The following WWOX variants were observed in gnomAD, a reference collection of about 807,000 sequenced individuals.
WWOX encodes WW domain containing oxidoreductase.
Under a neutral mutation model 46.2 loss-of-function variants are expected in WWOX, and 69 were observed. The observed-to-expected ratio is 1.49, with a 90% CI of 1.23 to 1.82. The LOEUF is 1.82. Ranked by LOEUF, WWOX falls within the 40% of genes most tolerant of loss-of-function variation. WWOX has a pLI of 0.00. For synonymous variants in WWOX, 359 were observed against 202.6 expected, an observed-to-expected ratio of 1.77 and a Z score of -6.56; for missense variants, 919 against 542.6, an observed-to-expected ratio of 1.69 and a Z score of -6.89.
At chr16:79,056,658 C>A (rs117310554) in intron 8 of WWOX, among the ~76,000 whole-genome samples, 2 of 152,180 alleles carry the variant, frequency 1.3e-5, no homozygotes, top group African/African-American at 2.4e-5. Context: ...GTCACAAACA[C>A]AAATGTCTCC....
rs181603891 is a variant in WWOX, at chr16:78,635,696, C to T, written c.1056+202944C>T. Among the ~76,000 whole-genome samples the T allele has an allele frequency of 2.7e-4, 41 of 152,252 alleles. 1 individual carries two copies. In the East Asian group the frequency reaches 7.0e-3, roughly 26 times the overall value. On this transcript the variant is annotated intron_variant, in intron 8 of 8. Transcript: ENST00000566780. ...AAGACGGTGAGTACTCACTACTTAG[C>T]GCTGTCAACATCATCTCCGTCCACA... is the stretch of plus-strand genomic sequence containing the variant.
At chr16:78,399,391 C>T (rs2082360809) in intron 6 of WWOX, among the ~76,000 whole-genome samples, 1 of 152,132 alleles carries the variant, frequency 6.6e-6, no homozygotes. Flanking sequence ...TTATTTTAGG[C>T]ACATAACCCA....
At chr16:78,953,107 C>T (rs1157250205) in intron 8 of WWOX, among the ~76,000 whole-genome samples, 1 of 151,576 alleles carries the variant, frequency 6.6e-6, no homozygotes, top group Non-Finnish European at 1.5e-5. Context: ...CTGTTAAATT[C>T]AATCATCAGT....
intron 8 of WWOX, among the ~76,000 whole-genome samples, chr16:78,715,667 G>A (rs1286654951): frequency 6.6e-6 from 1 of 152,110 alleles, no homozygotes; most frequent in Non-Finnish European, 1.5e-5. Flanking sequence ...AATAGAGACA[G>A]GATTTCACTA....
intron 8 of WWOX, among the ~76,000 whole-genome samples, chr16:78,544,381 C>A (rs12930620): frequency 0.49 from 73,860 of 151,976 alleles, 20,827 homozygotes; most frequent in Admixed American, 0.64. Flanking sequence ...ATTTAATCTT[C>A]CCTACAACCT....
chr16:78,284,146 T>C (rs2079730360), intron 5 of WWOX, among the ~76,000 whole-genome samples: 1 of 152,148 alleles, frequency 6.6e-6, no homozygotes, highest in Non-Finnish European at 1.5e-5. Flanking sequence ...GGTGGTGTAC[T>C]TTGTAGGGTC....
At chr16:78,388,831 G>C (rs1402366139) in intron 6 of WWOX, among the ~76,000 whole-genome samples, 3 of 151,026 alleles carry the variant, frequency 2.0e-5, no homozygotes, top group Non-Finnish European at 4.4e-5. Flanking sequence ...TAACTGGGCG[G>C]GGAGGCACAT....
intron 8 of WWOX, among the ~76,000 whole-genome samples, chr16:78,936,775 T>G (rs558551256): frequency 6.6e-6 from 1 of 151,906 alleles, no homozygotes; most frequent in South Asian, 2.1e-4. Context: ...AAAAAAAAAG[T>G]CAGTGCTACC....
Position 78,401,599 on chromosome 16 carries a change from C to T in WWOX, c.605+14651C>T, listed in dbSNP as rs2082415363. Among the ~76,000 whole-genome samples the T allele has an allele frequency of 3.3e-5, 5 of 151,992 alleles. No individual in the cohort carries two copies. In the South Asian group the frequency reaches 1.0e-3, roughly 32 times the overall value. The stretch of plus-strand genomic sequence containing the variant: ...TGCTTTAGGGAAAGGGTGAGGAACC[C>T]CACTGAAGGCTACTTAACGCATTTT... On this transcript the variant is annotated intron_variant, in intron 6 of 8. Coordinates refer to ENST00000566780, the MANE Select transcript of WWOX (RefSeq NM_016373.4).
chr16:78,728,872 A>T (rs1303570110), intron 8 of WWOX, among the ~76,000 whole-genome samples: 1 of 152,186 alleles, frequency 6.6e-6, no homozygotes, highest in Non-Finnish European at 1.5e-5. Context: ...TGTTACATGG[A>T]GGTCACAAGA....
intron 6 of WWOX, among the ~76,000 whole-genome samples, chr16:78,392,995 G>T (rs376822931): frequency 1.3e-5 from 2 of 152,036 alleles, no homozygotes; most frequent in Admixed American, 6.5e-5. Flanking sequence ...AGTGTGTCTC[G>T]GGTCAAATTA....
intron 8 of WWOX, among the ~76,000 whole-genome samples, chr16:78,875,553 T>A (rs866992132): frequency 6.6e-6 from 1 of 152,244 alleles, no homozygotes; most frequent in African/African-American, 2.4e-5. Flanking sequence ...CTTGGCTATA[T>A]GGAATTCACT....
chr16:78,557,688 G>GTTTTTTTTTTTTTTTTTT (rs1567642864), intron 8 of WWOX, among the ~76,000 whole-genome samples: 1 of 107,108 alleles, frequency 9.3e-6, no homozygotes, highest in African/African-American at 6.0e-5. Context: ...TCTAGGGAAG[G>GTTTTTTTTTTTTTTTTTT]ATTTTTTTTT....
At chr16:78,540,020 T>TCTCTCTCTCTCTCA (rs369075883) in intron 8 of WWOX, among the ~76,000 whole-genome samples, 4 of 132,926 alleles carry the variant, frequency 3.0e-5, no homozygotes, top group African/African-American at 9.0e-5. Context: ...TCTCTCTCTC[T>TCTCTCTCTCTCTCA]CACACACACA....
chr16:78,782,326 C>G lies in WWOX; in HGVS notation c.1056+349574C>G, dbSNP rs544614472. Among the ~76,000 whole-genome samples, 246 of 152,304 alleles carry G rather than the reference C, an allele frequency of 1.6e-3. 1 individual carries two copies. Among genetic ancestry groups the G allele is most frequent in the Non-Finnish European group, 2.6e-3 (175 of 68,026 alleles). ...AGAACCTTCTTGCTCCCTCTCCATC[C>G]TCTCTGTTTTCCTACTTTTCTTTGG... On this transcript the variant is annotated intron_variant, in intron 8 of 8. Coordinates refer to ENST00000566780, the MANE Select transcript of WWOX (RefSeq NM_016373.4).
At chr16:78,207,826 C>T (rs372925558) in intron 5 of WWOX, among the ~76,000 whole-genome samples, 1 of 148,468 alleles carries the variant, frequency 6.7e-6, no homozygotes, top group African/African-American at 2.5e-5. Context: ...ATTTTATTTT[C>T]CTGTTTCTGA....
At chr16:78,639,270 C>T (rs1567455745) in intron 8 of WWOX, among the ~76,000 whole-genome samples, 3 of 152,280 alleles carry the variant, frequency 2.0e-5, no homozygotes, top group Admixed American at 1.3e-4. Context: ...GCCCAGGCAT[C>T]GATGACACAC....
chr16:78,887,908 T>G (rs559338884), intron 8 of WWOX, among the ~76,000 whole-genome samples: 50 of 152,326 alleles, frequency 3.3e-4, no homozygotes, highest in Middle Eastern at 6.8e-3. Context: ...TAAAATCTTC[T>G]TAATGAGGGG....
intron 8 of WWOX, among the ~76,000 whole-genome samples, chr16:79,188,886 G>C (rs1350952630): frequency 1.3e-5 from 2 of 152,172 alleles, no homozygotes; most frequent in Admixed American, 6.5e-5. Context: ...ATTCACACTT[G>C]TGTGTGAGCA....
Sources: allele counts gnomAD v4.1 joint callset (sites outside exome capture counted in the v4.1 genomes callset), GRCh38; gene constraint gnomAD v4.1.1; transcripts MANE v1.5; gene names NCBI Gene and HGNC (gene_info 2026-07-23, HGNC 2026-07-21).